Variants in NKAIN3 observed in about 807,000 individuals in gnomAD.
NKAIN3 encodes sodium/potassium-transporting ATPase subunit beta-1-interacting protein 3.
A neutral mutation model predicts 30.2 loss-of-function variants in NKAIN3; 25 were observed. The ratio of observed to expected loss-of-function variants is 0.83; its 90% CI spans 0.60 to 1.16. The LOEUF (loss-of-function observed/expected upper bound fraction) is 1.16. Ranked by LOEUF, NKAIN3 falls within the 50% of genes most tolerant of loss-of-function variation. The pLI, the probability that NKAIN3 is intolerant of heterozygous loss-of-function variation, is 0.00. For missense variants in NKAIN3, 225 were observed against 254.1 expected (o/e 0.89, Z 0.78); for synonymous variants, 91 against 89.6 (o/e 1.02, Z -0.09).
At chr8:62,789,683 C>A (rs1433492187) in intron 4 of NKAIN3, among the ~76,000 whole-genome samples, 2 of 152,038 alleles carry the variant, frequency 1.3e-5, no homozygotes, top group African/African-American at 4.8e-5. Flanking sequence ...ACTACAAACA[C>A]CTCTACACAA....
At chr8:62,698,683 G>A (rs889456193) in intron 3 of NKAIN3, among the ~76,000 whole-genome samples, 7 of 152,062 alleles carry the variant, frequency 4.6e-5, no homozygotes, top group Non-Finnish European at 5.9e-5. Flanking sequence ...ATTTTAGCTC[G>A]TGGCTATATC....
intron 1 of NKAIN3, among the ~76,000 whole-genome samples, chr8:62,528,191 T>C (rs1477511910): frequency 6.7e-6 from 1 of 149,286 alleles, no homozygotes; most frequent in Non-Finnish European, 1.5e-5. Flanking sequence ...TATATATACT[T>C]GGACGTAAAG....
At chr8:62,799,911 G>T (rs1018594193) in intron 4 of NKAIN3, among the ~76,000 whole-genome samples, 2 of 152,114 alleles carry the variant, frequency 1.3e-5, no homozygotes, top group African/African-American at 4.8e-5. Context: ...CAACCTGGGT[G>T]GAATTGGAGG....
chr8:62,484,130 T>A (rs1158874585), intron 1 of NKAIN3, among the ~76,000 whole-genome samples: 1 of 152,214 alleles, frequency 6.6e-6, no homozygotes, highest in Non-Finnish European at 1.5e-5. Flanking sequence ...AGCCAGCCCT[T>A]CCCACAGTGG....
intron 3 of NKAIN3, among the ~76,000 whole-genome samples, chr8:62,636,671 T>C (rs961022542): frequency 2.0e-5 from 3 of 152,202 alleles, no homozygotes; most frequent in Non-Finnish European, 2.9e-5. Flanking sequence ...CATACTTTCA[T>C]TGATGAAACT....
intron 4 of NKAIN3, among the ~76,000 whole-genome samples, chr8:62,888,824 G>A (rs1193650261): frequency 6.6e-6 from 1 of 152,082 alleles, no homozygotes; most frequent in Non-Finnish European, 1.5e-5. Flanking sequence ...TTGCTTCTTA[G>A]CTTATATCAG....
intron 4 of NKAIN3, among the ~76,000 whole-genome samples, chr8:62,882,349 C>A (rs1202788769): frequency 6.6e-6 from 1 of 152,046 alleles, no homozygotes; most frequent in African/African-American, 2.4e-5. Context: ...GACGGAAGCT[C>A]GCTCTGTCGC....
At chr8:62,855,437 T>C in intron 4 of NKAIN3, 1 of 1,125,148 alleles carries the variant, frequency 8.9e-7, no homozygotes, top group Non-Finnish European at 1.4e-6. Context: ...CTCTTCTGAA[T>C]ACTTCATCTT....
intron 1 of NKAIN3, among the ~76,000 whole-genome samples, chr8:62,499,240 C>A (rs1807339779): frequency 6.6e-6 from 1 of 152,150 alleles, no homozygotes; most frequent in African/African-American, 2.4e-5. Context: ...CTGCAAGTGT[C>A]ACACTCTGGA....
intron 1 of NKAIN3, among the ~76,000 whole-genome samples, chr8:62,360,962 G>T (rs915453382): frequency 2.6e-5 from 4 of 151,432 alleles, no homozygotes; most frequent in Admixed American, 2.6e-4. Flanking sequence ...TTATGAAAGA[G>T]GGAATGAGGT....
At chr8:62,530,156 A>T (rs1233188272) in intron 1 of NKAIN3, among the ~76,000 whole-genome samples, 1 of 152,184 alleles carries the variant, frequency 6.6e-6, no homozygotes, top group East Asian at 1.9e-4. Flanking sequence ...GAGGGGGATG[A>T]TTAGATTCCT....
At chr8:62,663,117 C>G (rs1812994978) in intron 3 of NKAIN3, among the ~76,000 whole-genome samples, 1 of 152,130 alleles carries the variant, frequency 6.6e-6, no homozygotes. Flanking sequence ...GTATTGGGAG[C>G]AAGTGCCCTG....
chr8:62,480,487 T>C (rs555726802), intron 1 of NKAIN3, among the ~76,000 whole-genome samples: 25 of 142,518 alleles, frequency 1.8e-4, no homozygotes, highest in Non-Finnish European at 2.9e-4. Context: ...GGGAAAGTAA[T>C]GAAGTAACTA....
At chr8:62,342,215 G>T (rs1334850823) in intron 1 of NKAIN3, among the ~76,000 whole-genome samples, 1 of 114,454 alleles carries the variant, frequency 8.7e-6, no homozygotes, top group Non-Finnish European at 1.7e-5. Flanking sequence ...CTTAAGAATT[G>T]CACCCCTCAA....
intron 4 of NKAIN3, among the ~76,000 whole-genome samples, chr8:62,777,501 A>C (rs1238437024): frequency 6.6e-6 from 1 of 152,148 alleles, no homozygotes; most frequent in Non-Finnish European, 1.5e-5. Flanking sequence ...GCATTCATCC[A>C]TATGCCAGAC....
intron 1 of NKAIN3, among the ~76,000 whole-genome samples, chr8:62,356,260 G>C (rs1315298376): frequency 1.3e-5 from 2 of 152,142 alleles, no homozygotes; most frequent in African/African-American, 4.8e-5. Context: ...TTATGCATGT[G>C]ATATTAGCTT....
At chr8:62,371,250 A>G (rs1008918677) in intron 1 of NKAIN3, among the ~76,000 whole-genome samples, 3 of 151,792 alleles carry the variant, frequency 2.0e-5, no homozygotes, top group Non-Finnish European at 4.4e-5. Flanking sequence ...TTCTTAGTCT[A>G]TCTTTTTTTA....
intron 3 of NKAIN3, among the ~76,000 whole-genome samples, chr8:62,693,251 C>T (rs1408439612): frequency 6.6e-6 from 1 of 152,122 alleles, no homozygotes; most frequent in Non-Finnish European, 1.5e-5. Context: ...ATATCTTGAT[C>T]AAGTCATATA....
At chr8:62,495,841 G>A (rs1422876126) in intron 1 of NKAIN3, among the ~76,000 whole-genome samples, 1 of 152,044 alleles carries the variant, frequency 6.6e-6, no homozygotes, top group East Asian at 1.9e-4. Flanking sequence ...AAGTCAGATA[G>A]CTAACAAGTT....
Sources: gnomAD v4.1 joint callset for allele counts (sites outside exome capture counted in the v4.1 genomes callset) on GRCh38, gnomAD v4.1.1 for gene constraint, MANE v1.5 for transcripts, NCBI Gene and HGNC (gene_info 2026-07-23, HGNC 2026-07-21) for gene names.